Variants in HMCN2 observed in about 807,000 individuals in gnomAD.
HMCN2 encodes hemicentin 2.
HMCN2 carries 325 observed loss-of-function variants against 377.5 expected under a neutral mutation model. The observed-to-expected ratio is 0.86, with a 90% CI of 0.79 to 0.94. The LOEUF is 0.94. Among genes scored for constraint, HMCN2 ranks in the 40% least tolerant of loss-of-function variants. The probability of loss-of-function intolerance (pLI) is 0.00; values close to 1 mark genes in which losing one functional copy is unlikely to be tolerated. For synonymous variants in HMCN2, 2,007 were observed against 2,046.8 expected (o/e 0.98, Z 0.53); for missense variants, 4,543 against 4,725.3 (o/e 0.96, Z 1.13).
rs1382133705 is a variant in HMCN2 at position 130,294,987 on chromosome 9, A to G, written c.745A>G (p.Ser249Gly). ...PSLKEVTISL[S>G]GPGPEIEVQD... ...CCTGAAGGAGGTCACCATCTCATTG[A>G]GTGGGCCAGGGCCTGAGATTGAAGT... is the stretch of plus-strand genomic sequence containing the variant. Residue 249 changes from serine (S) to glycine (G), a missense_variant, in exon 5 of 98, where the codon AGT (serine) becomes GGT (glycine). By Grantham distance (56) the Ser-to-Gly change is moderately conservative (BLOSUM62 0). Transcript: ENST00000683500. 2 of 470,864 alleles carry G rather than the reference A, an allele frequency of 4.2e-6. No homozygotes were observed. The highest frequency in any genetic ancestry group is 8.8e-6 in the Non-Finnish European group (2 of 226,914). The allele number at this position is 470,864 out of a possible 1,614,324, so 29.2% of individuals were successfully genotyped here.
At position 130,379,368 on chromosome 9, in the gene HMCN2, T is replaced by C; in HGVS notation, c.8332T>C (p.Tyr2778His). 1.0e-6 allele frequency: 1 copy of C among 985,750 alleles called. No individual in the cohort carries two copies. Among genetic ancestry groups the C allele is most frequent in the Non-Finnish European group, 1.2e-6 (1 of 829,942 alleles). 61.1% of individuals were successfully genotyped at this position (985,750 alleles called of 1,614,324 possible). The change falls in exon 54 of 98, where the codon TAC (tyrosine) becomes CAC (histidine). Residue 2778 changes from tyrosine (Y) to histidine (H), a missense_variant. By Grantham distance (83) the Tyr-to-His change is moderately conservative. Transcript: ENST00000683500. ...GGAGATCGTGGAGAACAACCCAGCC[T>C]ACCTGTACTGCGACACCAACGCGAT... ...YREIVENNPA[Y>H]LYCDTNAIPP... is the part of the protein sequence containing the mutation.
intron 4 of HMCN2, among the ~76,000 whole-genome samples, chr9:130,293,143 C>A (rs1554930642): frequency 6.6e-6 from 1 of 152,072 alleles, no homozygotes; most frequent in African/African-American, 2.4e-5. Context: ...CTGTCTCTTA[C>A]ATTTGTTTAT....
At position 130,432,825 on chromosome 9, in the gene HMCN2, G is replaced by C. The variant is rs530106857; in HGVS notation, c.14894+270G>C. Reference sequence around the variant, plus strand: ...CCAGCACCAAACCCATCTCCTCCACGCCACTCACAGCGGCCACGGACACTC... The same window carrying C: ...CCAGCACCAAACCCATCTCCTCCACCCCACTCACAGCGGCCACGGACACTC... On this transcript the variant is annotated intron_variant, in intron 97 of 97. Coordinates refer to ENST00000683500, the MANE Select transcript of HMCN2 (RefSeq NM_001291815.2). The C allele has an allele frequency of 1.7e-5, 9 of 515,692 alleles. No homozygotes were observed. In the East Asian group the frequency reaches 2.8e-4, roughly 16 times the overall value. The allele number at this position is 515,692 out of a possible 1,614,324, so 31.9% of individuals were successfully genotyped here.
At position 130,400,764 on chromosome 9, in the gene HMCN2, G is replaced by GC; in HGVS notation, c.11606-17dup. 1 of 1,277,526 alleles carries GC rather than the reference G, an allele frequency of 7.8e-7. No individual in the cohort carries two copies. The highest frequency in any genetic ancestry group is 1.0e-6 in the Non-Finnish European group (1 of 982,286). 79.1% of individuals were successfully genotyped at this position (1,277,526 alleles called of 1,614,324 possible). A position where few individuals can be genotyped will look rare whatever the true frequency, so the allele number is the denominator to read the frequency against. On this transcript the variant is annotated intron_variant, in intron 76 of 97. Coordinates refer to ENST00000683500, the MANE Select transcript of HMCN2 (RefSeq NM_001291815.2). ...CCTGTGCCCGCCGGCAGGGCCTCAA[G>GC]CCTTGTCTTGGGTTTTAGTGCCTCC...
chr9:130,381,692 A>G (rs571488863), intron 54 of HMCN2, among the ~76,000 whole-genome samples: 1 of 151,916 alleles, frequency 6.6e-6, no homozygotes, highest in Non-Finnish European at 1.5e-5. Context: ...CTGGCTTTTG[A>G]TCACAGAGGG....
At chr9:130,310,460 G>A (rs1255762449) in intron 15 of HMCN2, among the ~76,000 whole-genome samples, 2 of 147,054 alleles carry the variant, frequency 1.4e-5, no homozygotes, top group Non-Finnish European at 3.1e-5. Context: ...GTTGGCAGGA[G>A]GCTCCCAGAG....
intron 15 of HMCN2, among the ~76,000 whole-genome samples, chr9:130,315,779 C>T (rs1339737638): frequency 6.6e-6 from 1 of 152,150 alleles, no homozygotes; most frequent in Non-Finnish European, 1.5e-5. Context: ...GGCTGGCAGC[C>T]TCTGCCTTCT....
At chr9:130,367,871 G>A (rs1046116083) in intron 43 of HMCN2, among the ~76,000 whole-genome samples, 1 of 150,820 alleles carries the variant, frequency 6.6e-6, no homozygotes, top group Admixed American at 6.6e-5. Context: ...GAACCCAGGA[G>A]GCAGAGGTTG....
intron 15 of HMCN2, among the ~76,000 whole-genome samples, chr9:130,312,657 CCTTT>C (rs1445335920): frequency 5.0e-5 from 7 of 141,368 alleles, no homozygotes; most frequent in African/African-American, 8.1e-5. Flanking sequence ...TCCCTCCCTT[CCTTT>C]CTTTCTTTCT....
intron 96 of HMCN2, among the ~76,000 whole-genome samples, chr9:130,431,993 C>T (rs561040983): frequency 3.3e-5 from 5 of 152,366 alleles, no homozygotes; most frequent in African/African-American, 4.8e-5. Context: ...AGAACAGGAA[C>T]CATGCCTGCC....
rs926478710 is a variant in HMCN2, at chr9:130,422,061, C to T, written c.13232-516C>T. ...TGCTCACAGATGGCCTGGCGGGCAG[C>T]GGCTAGGAAACCAGCCCACCCGGCC... On this transcript the variant is annotated intron_variant, in intron 86 of 97. Transcript: ENST00000683500. The surrounding 1 kb of genome is among the most constrained non-coding windows in gnomAD (Gnocchi z 4.2). Among the ~76,000 whole-genome samples, 15 of 152,354 alleles carry T rather than the reference C, an allele frequency of 9.8e-5. No homozygotes were observed. The highest frequency in any genetic ancestry group is 9.6e-5 in the African/African-American group (4 of 41,588).
intron 54 of HMCN2, among the ~76,000 whole-genome samples, chr9:130,381,825 G>T (rs1470388247): frequency 3.3e-5 from 5 of 151,966 alleles, no homozygotes; most frequent in African/African-American, 1.2e-4. Flanking sequence ...CAAGGAGCTG[G>T]GCTCAGCACA....
chr9:130,351,722 G>T lies in HMCN2; in HGVS notation c.4585+145G>T, dbSNP rs769098958. 100 of 592,254 alleles carry T rather than the reference G, an allele frequency of 1.7e-4. No homozygotes were observed. Among genetic ancestry groups the T allele is most frequent in the Admixed American group, 3.9e-4 (10 of 25,966 alleles). 36.7% of individuals were successfully genotyped at this position (592,254 alleles called of 1,614,324 possible). On this transcript the variant is annotated intron_variant, in intron 30 of 97. Coordinates refer to ENST00000683500, the MANE Select transcript of HMCN2 (RefSeq NM_001291815.2). This position sits in a 1 kb window ranked among gnomAD's most constrained non-coding sequence, Gnocchi z 5.4. ...GAGTCCAAGAAAGCTGGGGGCTGGG[G>T]TCGGGGTTGGGGTCAGGGTCAGGGG...
intron 85 of HMCN2, among the ~76,000 whole-genome samples, chr9:130,411,439 T>TA (rs1226356296): frequency 2.0e-5 from 3 of 151,664 alleles, no homozygotes; most frequent in Non-Finnish European, 2.9e-5. Context: ...CTGTCTCTAC[T>TA]AAAAATACAA....
In HMCN2 at chr9:130,348,454, A is replaced by G. The variant is rs543993388; in HGVS notation, c.4025-91A>G. ...AGGCAGACCTTCTCCAACCCCAGTG[A>G]CGAAGGGGAGGGAATGGCCCAGATG... On this transcript the variant is annotated intron_variant, in intron 26 of 97. Transcript: ENST00000683500. 1.8e-4 allele frequency: 229 copies of G among 1,242,860 alleles called. 1 individual carries two copies. In the South Asian group the frequency reaches 2.7e-3, roughly 14 times the overall value. 77.0% of individuals were successfully genotyped at this position (1,242,860 alleles called of 1,614,324 possible). A position where few individuals can be genotyped will look rare whatever the true frequency, so the allele number is the denominator to read the frequency against.
chr9:130,348,105 A>G (rs1839485805), intron 26 of HMCN2: 8 of 919,880 alleles, frequency 8.7e-6, no homozygotes, highest in African/African-American at 3.6e-5. Flanking sequence ...CAGTTCTACC[A>G]GCTCCTAACG....
chr9:130,432,794 G>C lies in HMCN2; in HGVS notation c.14894+239G>C, dbSNP rs567635894. 5.3e-6 allele frequency: 3 copies of C among 567,742 alleles called. No homozygotes were observed. The South Asian group carries it at 6.2e-5, about 12-fold the overall frequency. The allele number at this position is 567,742 out of a possible 1,614,324, so 35.2% of individuals were successfully genotyped here. The stretch of plus-strand genomic sequence containing the variant: ...TCACACAACCCCAGGACAAAACTCA[G>C]ACACGCCAGCACCAAACCCATCTCC... On this transcript the variant is annotated intron_variant, in intron 97 of 97. Coordinates refer to ENST00000683500, the MANE Select transcript of HMCN2 (RefSeq NM_001291815.2).
Position 130,310,181 on chromosome 9 carries a change from G to A in HMCN2, c.2350+120G>A, listed in dbSNP as rs1160183386. On this transcript the variant is annotated intron_variant, in intron 15 of 97. Coordinates refer to ENST00000683500, the MANE Select transcript of HMCN2 (RefSeq NM_001291815.2). ...GTGGCCAGTGTAGATGGCATCATGT[G>A]GATCCTGAGCATGTGGGGACAGGGG... The A allele has an allele frequency of 1.0e-5, 3 of 293,040 alleles. No individual in the cohort carries two copies. In the East Asian group the frequency reaches 3.3e-4, roughly 33 times the overall value. 18.2% of individuals were successfully genotyped at this position (293,040 alleles called of 1,614,324 possible). A position where few individuals can be genotyped will look rare whatever the true frequency, so the allele number is the denominator to read the frequency against.
intron 12 of HMCN2, 138 bp downstream of exon 12, chr9:130,306,408 C>G (rs1836860929): frequency 2.6e-6 from 1 of 387,192 alleles, no homozygotes; most frequent in Non-Finnish European, 5.3e-6. Flanking sequence ...TCATTTGAGA[C>G]TCCAGAGTGA....
Sources: gnomAD v4.1 joint callset for allele counts (sites outside exome capture counted in the v4.1 genomes callset) on GRCh38, gnomAD v4.1.1 for gene constraint, Gnocchi (gnomAD v3.1) non-coding constraint, MANE v1.5 for transcripts, NCBI Gene and HGNC (gene_info 2026-07-23, HGNC 2026-07-21) for gene names.